The following VAV2 variants were observed in gnomAD, a reference collection of about 807,000 sequenced individuals.
VAV2 encodes the protein vav guanine nucleotide exchange factor 2.
Under a neutral mutation model 132.5 loss-of-function variants are expected in VAV2, and 67 were observed. The observed-to-expected ratio is 0.51, with a 90% confidence interval of 0.42 to 0.62. The LOEUF (loss-of-function observed/expected upper bound fraction) is 0.62, where lower values mean the gene tolerates loss of function less well. VAV2 is among the 20% of genes least tolerant of loss of function. The probability of loss-of-function intolerance (pLI) is 0.00; values close to 1 mark genes in which losing one functional copy is unlikely to be tolerated. For missense variants in VAV2, 938 were observed against 1,153.6 expected, an observed-to-expected ratio of 0.81 and a Z score of 2.71; for synonymous variants, 492 against 443.5, an observed-to-expected ratio of 1.11 and a Z score of -1.37.
intron 13 of VAV2, among the ~76,000 whole-genome samples, chr9:133,791,552 C>T (rs1019364679): frequency 1.3e-5 from 2 of 151,896 alleles, no homozygotes; most frequent in African/African-American, 2.4e-5. Flanking sequence ...CCCCTCCCCC[C>T]GAGCACAGGC....
At chr9:133,825,230 C>T (rs558649526) in intron 4 of VAV2, among the ~76,000 whole-genome samples, 7 of 152,084 alleles carry the variant, frequency 4.6e-5, no homozygotes, top group South Asian at 2.1e-4. Context: ...CTTTCTGTCC[C>T]GGCCATCACC....
intron 24 of VAV2, 138 bp from the exon 25 acceptor site, chr9:133,775,189 A>C: frequency 1.4e-6 from 1 of 710,592 alleles, no homozygotes; most frequent in Admixed American, 2.8e-5. Flanking sequence ...TGAACCCAAG[A>C]GAACAGGCTG....
chr9:133,923,309 T>A (rs1205318890), intron 2 of VAV2, among the ~76,000 whole-genome samples: 1 of 152,156 alleles, frequency 6.6e-6, no homozygotes, highest in Non-Finnish European at 1.5e-5. Flanking sequence ...ATAGAACTAC[T>A]ATGCGATATG....
intron 2 of VAV2, among the ~76,000 whole-genome samples, chr9:133,897,016 C>A (rs1476473969): frequency 2.0e-5 from 3 of 152,054 alleles, no homozygotes; most frequent in Non-Finnish European, 4.4e-5. Context: ...ATGGTGTGAA[C>A]CCGGGAGGCG....
chr9:133,898,330 T>C (rs889202836), intron 2 of VAV2, among the ~76,000 whole-genome samples: 1 of 152,062 alleles, frequency 6.6e-6, no homozygotes, highest in African/African-American at 2.4e-5. Flanking sequence ...GGTTCACACC[T>C]GTAATCCCAG....
intron 1 of VAV2, among the ~76,000 whole-genome samples, chr9:133,950,867 C>T (rs1427786515): frequency 6.6e-6 from 1 of 152,122 alleles, no homozygotes; most frequent in African/African-American, 2.4e-5. Context: ...AACATGAGGG[C>T]ATTCGCACGC....
intron 3 of VAV2, among the ~76,000 whole-genome samples, chr9:133,847,110 T>A (rs1432123069): frequency 6.6e-6 from 1 of 152,094 alleles, no homozygotes; most frequent in Non-Finnish European, 1.5e-5. Context: ...AGCCTTAAGT[T>A]CCAATCAGAA....
chr9:133,792,714 C>T (rs1025171253), intron 12 of VAV2, among the ~76,000 whole-genome samples: 3 of 127,690 alleles, frequency 2.3e-5, no homozygotes, highest in Non-Finnish European at 3.2e-5. Flanking sequence ...ATCCAGGCAC[C>T]GGGCGTTTCT....
chr9:133,842,702 G>C (rs898083274), intron 3 of VAV2, among the ~76,000 whole-genome samples: 5 of 152,242 alleles, frequency 3.3e-5, no homozygotes, highest in Non-Finnish European at 7.3e-5. Flanking sequence ...GTGCTGGCCT[G>C]GTACTGGAAC....
chr9:133,829,546 C>G (rs1836183692), intron 4 of VAV2, among the ~76,000 whole-genome samples: 1 of 152,262 alleles, frequency 6.6e-6, no homozygotes, highest in Non-Finnish European at 1.5e-5. Flanking sequence ...GCGCAAGCAC[C>G]ACAAAACGTA....
chr9:133,908,521 C>T (rs2132035725), intron 2 of VAV2, among the ~76,000 whole-genome samples: 1 of 151,848 alleles, frequency 6.6e-6, no homozygotes, highest in East Asian at 2.0e-4. Flanking sequence ...CTGCAGTGAC[C>T]ACCCCAACCT....
At chr9:133,938,581 A>G (rs760069091) in intron 2 of VAV2, among the ~76,000 whole-genome samples, 6 of 152,166 alleles carry the variant, frequency 3.9e-5, no homozygotes, top group Non-Finnish European at 8.8e-5. Context: ...CCACTGGAGA[A>G]TACCCCCTCT....
chr9:133,967,793 T>C (rs601764), intron 1 of VAV2, among the ~76,000 whole-genome samples: 57,430 of 151,578 alleles, frequency 0.38, 10,926 homozygotes, highest in Non-Finnish European at 0.42. Flanking sequence ...ATTAGCCGGA[T>C]GTGGTGGTGT....
At chr9:133,814,701 C>G (rs888862908) in intron 4 of VAV2, among the ~76,000 whole-genome samples, 1 of 152,258 alleles carries the variant, frequency 6.6e-6, no homozygotes, top group Non-Finnish European at 1.5e-5. Context: ...GGTGTCCCAA[C>G]AGAGCCCAGG....
intron 13 of VAV2, 62 bp from the exon 14 acceptor site, chr9:133,789,405 C>G (rs187487572): frequency 3.2e-6 from 5 of 1,540,572 alleles, no homozygotes; most frequent in South Asian, 1.1e-5. Flanking sequence ...CCTGACCGCA[C>G]GGGCAGGGCA....
rs1395500875 is a variant in VAV2 at position 133,857,043 on chromosome 9, G to A, written c.380+4331C>T. On this transcript the variant is annotated intron_variant, in intron 3 of 29. Coordinates refer to ENST00000371850, the MANE Select transcript of VAV2 (RefSeq NM_001134398.2). This position sits in a 1 kb window ranked among gnomAD's most constrained non-coding sequence, Gnocchi z 4.0. The stretch of plus-strand genomic sequence containing the variant: ...CCTACAGAAGAGACAAAGGTTCCAA[G>A]AGCATCCCTGCCCAAGGTCATTTGG... Among the ~76,000 whole-genome samples, 1 of 152,126 alleles carries A rather than the reference G, an allele frequency of 6.6e-6. No individual in the cohort carries two copies. The highest frequency in any genetic ancestry group is 2.4e-5 in the African/African-American group (1 of 41,412).
chr9:133,767,664 G>A (rs1427949141), intron 29 of VAV2, among the ~76,000 whole-genome samples: 1 of 152,200 alleles, frequency 6.6e-6, no homozygotes, highest in Non-Finnish European at 1.5e-5. Flanking sequence ...CCAAGGGGCA[G>A]ACTGATAGGT....
intron 2 of VAV2, among the ~76,000 whole-genome samples, chr9:133,929,539 A>T (rs1169105592): frequency 6.6e-6 from 1 of 152,056 alleles, no homozygotes; most frequent in Admixed American, 6.5e-5. Context: ...AGGCTGATAG[A>T]CAAGGGTCCC....
chr9:133,928,323 AAG>A lies in VAV2; in HGVS notation c.321+10778_321+10779del, dbSNP rs1281239401. Among the ~76,000 whole-genome samples the A allele has an allele frequency of 6.6e-6, 1 of 152,180 alleles. No homozygotes were observed. The highest frequency in any genetic ancestry group is 1.5e-5 in the Non-Finnish European group (1 of 68,040). ...TGAAATGACAACAACTAGCAGATAA[AAG>A]AGGAAATGTTTTCAAGCAGAAACTC... On this transcript the variant is annotated intron_variant, in intron 2 of 29. Coordinates refer to ENST00000371850, the MANE Select transcript of VAV2 (RefSeq NM_001134398.2). This position sits in a 1 kb window ranked among gnomAD's most constrained non-coding sequence, Gnocchi z 5.4.
Sources: allele counts gnomAD v4.1 joint callset (sites outside exome capture counted in the v4.1 genomes callset), GRCh38; gene constraint gnomAD v4.1.1; non-coding constraint Gnocchi (gnomAD v3.1); transcripts MANE v1.5; gene names NCBI Gene and HGNC (gene_info 2026-07-23, HGNC 2026-07-21).